Variants in RNF32 observed in about 807,000 individuals in gnomAD.
RNF32 encodes the protein ring finger protein 32.
Under a neutral mutation model 41.0 loss-of-function variants are expected in RNF32, and 36 were observed. The ratio of observed to expected loss-of-function variants is 0.88; its 90% CI spans 0.67 to 1.16. The LOEUF (loss-of-function observed/expected upper bound fraction) is 1.16. Among genes scored for constraint, RNF32 ranks in the 50% most tolerant of loss-of-function variants. The pLI is 0.00. For synonymous variants in RNF32, 154 were observed against 160.9 expected (o/e 0.96, Z 0.32); for missense variants, 413 against 436.7 (o/e 0.95, Z 0.48).
chr7:156,675,900 A>G, intron 8 of RNF32, 37 bp downstream of exon 8: 1 of 1,592,462 alleles, frequency 6.3e-7, no homozygotes, highest in Non-Finnish European at 8.6e-7. Context: ...CAGCAGACTC[A>G]GCTGCAGCTG....
At chr7:156,673,906 T>TAAA (rs3030984) in intron 7 of RNF32, among the ~76,000 whole-genome samples, 5 of 100,816 alleles carry the variant, frequency 5.0e-5, no homozygotes, top group South Asian at 2.7e-4. Context: ...TCCACATTAA[T>TAAA]AAAAAAAAAA....
At chr7:156,658,984 T>C (rs1363642048) in intron 7 of RNF32, 8 of 1,504,886 alleles carry the variant, frequency 5.3e-6, no homozygotes, top group Non-Finnish European at 7.1e-6. Context: ...AGCCCCCACA[T>C]GCTACCATTG....
At position 156,676,550 on chromosome 7, in the gene RNF32, T is replaced by G; in HGVS notation, c.984T>G (p.His328Gln). 1 of 1,614,204 alleles carries G rather than the reference T, an allele frequency of 6.2e-7. No homozygotes were observed. The highest frequency in any genetic ancestry group is 8.5e-7 in the Non-Finnish European group (1 of 1,180,030). The change falls in exon 9 of 9, where the codon CAT becomes CAG. Residue 328 changes from histidine (H) to glutamine (Q), a missense_variant. Physicochemically the swap from His to Gln is conservative, Grantham distance 24. Coordinates refer to ENST00000317955, the MANE Select transcript of RNF32 (RefSeq NM_030936.4). The stretch of plus-strand genomic sequence containing the variant: ...TGTCCTGCTCACATGTGTTCCACCA[T>G]GCGTGTCTGCTGGCACTAGAGGAGT... ...ALLSCSHVFHHACLLALEEFS... is the reference protein window; with the variant it reads ...ALLSCSHVFHQACLLALEEFS...
rs1316754204 is a variant in RNF32 at position 156,669,956 on chromosome 7, T to C, written c.685-5740T>C. 6.6e-6 allele frequency among the ~76,000 whole-genome samples: 1 copy of C among 152,158 alleles called. No homozygotes were observed. The highest frequency in any genetic ancestry group is 1.5e-5 in the Non-Finnish European group (1 of 68,016). On this transcript the variant is annotated intron_variant, in intron 7 of 8. Coordinates refer to ENST00000317955, the MANE Select transcript of RNF32 (RefSeq NM_030936.4). The surrounding 1 kb of genome is among the most constrained non-coding windows in gnomAD (Gnocchi z 4.2). ...ATCCCTGTTTAAAAGAAAGAAAACA[T>C]GGGAAAGTGCCATCCAAGTACTAAA... is the stretch of plus-strand genomic sequence containing the variant.
chr7:156,640,664 G>A (rs544819730), upstream of RNF32: 29 of 337,942 alleles, frequency 8.6e-5, no homozygotes, highest in East Asian at 3.8e-3. Context: ...TGCGCAGTAT[G>A]GGGCGGGGCG....
chr7:156,658,453 G>A lies in RNF32; in HGVS notation c.576-9G>A, dbSNP rs1018648761. ...ATAAATTAGTCATTTTCAAATATCT[G>A]TGTTTTAGAATCCAAGCCTACTGGA... is the stretch of plus-strand genomic sequence containing the variant. On this transcript the variant is annotated splice_polypyrimidine_tract_variant and intron_variant, in intron 6 of 8. Coordinates refer to ENST00000317955, the MANE Select transcript of RNF32 (RefSeq NM_030936.4). 6.2e-7 allele frequency: 1 copy of A among 1,601,830 alleles called. No homozygotes were observed. The highest frequency in any genetic ancestry group is 1.3e-5 in the African/African-American group (1 of 74,370).
At chr7:156,652,907 T>C (rs1798953205) in intron 3 of RNF32, among the ~76,000 whole-genome samples, 1 of 147,842 alleles carries the variant, frequency 6.8e-6, no homozygotes, top group Admixed American at 6.8e-5. Flanking sequence ...GACAACATAC[T>C]GTTTTAAGCT....
At position 156,664,878 on chromosome 7, in the gene RNF32, G is replaced by C. The variant is rs571228984; in HGVS notation, c.684+6308G>C. On this transcript the variant is annotated intron_variant, in intron 7 of 8. Coordinates refer to ENST00000317955, the MANE Select transcript of RNF32 (RefSeq NM_030936.4). ...CCAATGATAGAAACAGAATTGTATT[G>C]TTTTCACCAAGAAACAAACATATGT... Among the ~76,000 whole-genome samples, 6 of 152,136 alleles carry C rather than the reference G, an allele frequency of 3.9e-5. No homozygotes were observed. In the South Asian group the frequency reaches 1.2e-3, roughly 32 times the overall value.
rs1205839615 is a variant in RNF32, at chr7:156,664,461, A to T, written c.684+5891A>T. Among the ~76,000 whole-genome samples, 3 of 148,510 alleles carry T rather than the reference A, an allele frequency of 2.0e-5. No homozygotes were observed. In the South Asian group the frequency reaches 6.3e-4, roughly 31 times the overall value. Reference sequence around the variant, plus strand: ...GGGCGACAAGAGTCAAACTCCATCCAAAAAAAAAAGAAAGAAAAAGAAAAA... The same window carrying T: ...GGGCGACAAGAGTCAAACTCCATCCTAAAAAAAAAGAAAGAAAAAGAAAAA... On this transcript the variant is annotated intron_variant, in intron 7 of 8. Coordinates refer to ENST00000317955, the MANE Select transcript of RNF32 (RefSeq NM_030936.4).
At chr7:156,646,467 G>A in intron 3 of RNF32, 1 of 1,302,556 alleles carries the variant, frequency 7.7e-7, no homozygotes, top group Non-Finnish European at 1.0e-6. Context: ...ACCATTCATA[G>A]GATGTACAGC....
chr7:156,662,114 G>C (rs1444102045), intron 7 of RNF32, among the ~76,000 whole-genome samples: 2 of 152,188 alleles, frequency 1.3e-5, no homozygotes. Flanking sequence ...TGTATTAGCA[G>C]TAGGTAGTAG....
intron 7 of RNF32, among the ~76,000 whole-genome samples, chr7:156,665,739 T>G (rs894495709): frequency 6.6e-6 from 1 of 152,222 alleles, no homozygotes; most frequent in African/African-American, 2.4e-5. Context: ...ACTCCAGTGC[T>G]TTTCAGTCTT....
chr7:156,641,674 A>G (rs1274124289), intron 1 of RNF32, among the ~76,000 whole-genome samples: 1 of 152,234 alleles, frequency 6.6e-6, no homozygotes, highest in Non-Finnish European at 1.5e-5. Context: ...TACTGTGTAG[A>G]AACTTGAGAT....
rs1434259124 is a variant in RNF32, at chr7:156,676,121, C to CCCT, written c.852+258_852+259insCCT. 3 of 876,110 alleles carry CCCT rather than the reference C, an allele frequency of 3.4e-6. No homozygotes were observed. In the South Asian group the frequency reaches 5.7e-5, roughly 17 times the overall value. The allele number at this position is 876,110 out of a possible 1,614,324, so 54.3% of individuals were successfully genotyped here. A position where few individuals can be genotyped will look rare whatever the true frequency, so the allele number is the denominator to read the frequency against. On this transcript the variant is annotated intron_variant, in intron 8 of 8. Transcript: ENST00000317955. Reference sequence around the variant, plus strand: ...CCTGTGGTAGGACTTTCCTCATGGGCTTTAGGGTGACGGCAAAGGTCCCTT... The same window carrying CCCT: ...CCTGTGGTAGGACTTTCCTCATGGGCCCTTTTAGGGTGACGGCAAAGGTCCCTT...
At chr7:156,671,104 A>G (rs1802392807) in intron 7 of RNF32, among the ~76,000 whole-genome samples, 1 of 152,256 alleles carries the variant, frequency 6.6e-6, no homozygotes, top group Non-Finnish European at 1.5e-5. Flanking sequence ...CAATAGCTAA[A>G]AGAATAGAAA....
At chr7:156,643,914 C>T in intron 2 of RNF32, 22 bp downstream of exon 2, 1 of 1,595,756 alleles carries the variant, frequency 6.3e-7, no homozygotes. Flanking sequence ...TTTTCTTAAA[C>T]ATACACGTTA....
intron 3 of RNF32, among the ~76,000 whole-genome samples, chr7:156,653,022 C>T (rs1040651718): frequency 1.1e-4 from 17 of 152,136 alleles, no homozygotes; most frequent in Admixed American, 2.6e-4. Flanking sequence ...TTTAGTGTAG[C>T]GTAAGTGTAG....
intron 4 of RNF32, among the ~76,000 whole-genome samples, chr7:156,657,224 A>G (rs187866110): frequency 5.7e-4 from 87 of 152,104 alleles, no homozygotes; most frequent in African/African-American, 2.0e-3. Context: ...TCACCCCTCC[A>G]GTTTGCAGTC....
At chr7:156,650,203 C>T (rs1179872554) in intron 3 of RNF32, among the ~76,000 whole-genome samples, 6 of 152,286 alleles carry the variant, frequency 3.9e-5, no homozygotes, top group Middle Eastern at 3.4e-3. Context: ...CCGGTGCTGC[C>T]GTCGGGAGGT....
Sources: gnomAD v4.1 joint callset for allele counts (sites outside exome capture counted in the v4.1 genomes callset) on GRCh38, gnomAD v4.1.1 for gene constraint, Gnocchi (gnomAD v3.1) non-coding constraint, MANE v1.5 for transcripts, NCBI Gene and HGNC (gene_info 2026-07-23, HGNC 2026-07-21) for gene names.